The following RPS6KC1 variants were observed in gnomAD, a reference collection of about 807,000 sequenced individuals.
RPS6KC1 encodes the protein ribosomal protein S6 kinase C1.
In RPS6KC1, 54 loss-of-function variants were observed where a neutral mutation model predicts 103.8. The ratio of observed to expected loss-of-function variants is 0.52; its 90% CI spans 0.42 to 0.65. The LOEUF (loss-of-function observed/expected upper bound fraction) is 0.65, where lower values mean the gene tolerates loss of function less well. Among genes scored for constraint, RPS6KC1 ranks in the 30% least tolerant of loss-of-function variants. The pLI, the probability that RPS6KC1 is intolerant of heterozygous loss-of-function variation, is 0.00. For missense variants in RPS6KC1, 1,151 were observed against 1,253.8 expected, an observed-to-expected ratio of 0.92 and a Z score of 1.24; for synonymous variants, 439 against 438.7, an observed-to-expected ratio of 1.00 and a Z score of -0.01.
At chr1:213,178,099 C>T (rs2092001662) in intron 8 of RPS6KC1, among the ~76,000 whole-genome samples, 1 of 151,410 alleles carries the variant, frequency 6.6e-6, no homozygotes, top group Non-Finnish European at 1.5e-5. Context: ...GGGAAAGGAT[C>T]CCCTGAGCCT....
chr1:213,057,339 T>G (rs1168218782), intron 1 of RPS6KC1, among the ~76,000 whole-genome samples: 6 of 152,218 alleles, frequency 3.9e-5, no homozygotes, highest in African/African-American at 1.4e-4. Flanking sequence ...CGCTTTGCTT[T>G]TCAAGTATTG....
At chr1:213,238,210 G>C (rs1363815384) in intron 10 of RPS6KC1, among the ~76,000 whole-genome samples, 1 of 152,172 alleles carries the variant, frequency 6.6e-6, no homozygotes, top group African/African-American at 2.4e-5. Flanking sequence ...ATGTATATAT[G>C]ATGTCCAGTT....
the RPS6KC1 span, among the ~76,000 whole-genome samples, chr1:213,617,859 G>A: frequency 6.6e-6 from 1 of 152,176 alleles, no homozygotes; most frequent in Non-Finnish European, 1.5e-5. Flanking sequence ...TATTGCTCTA[G>A]CTCTATGTCT....
chr1:213,632,370 A>G, the RPS6KC1 span, among the ~76,000 whole-genome samples: 5 of 151,930 alleles, frequency 3.3e-5, no homozygotes, highest in African/African-American at 4.8e-5. Context: ...TGCATTTCCA[A>G]CTGAGCCTCC....
chr1:213,274,901 T>C (rs2095108039), downstream of RPS6KC1: 1 of 152,162 alleles, frequency 6.6e-6, no homozygotes, highest in Non-Finnish European at 1.5e-5. Context: ...CCACTATCCA[T>C]CTCCAGGACT....
the RPS6KC1 span, among the ~76,000 whole-genome samples, chr1:213,284,733 T>A: frequency 4.0e-5 from 6 of 151,640 alleles, no homozygotes; most frequent in South Asian, 4.2e-4. Context: ...TTCTGAAATT[T>A]AAAAAAAAGC....
chr1:213,574,171 G>T, the RPS6KC1 span, among the ~76,000 whole-genome samples: 3 of 152,226 alleles, frequency 2.0e-5, no homozygotes, highest in Non-Finnish European at 2.9e-5. Context: ...TTCTGGGGCA[G>T]TGCTGGCATC....
At chr1:213,609,767 T>TGCCATTACTTTCAATGGCAAAACCC in the RPS6KC1 span, among the ~76,000 whole-genome samples, 9 of 144,550 alleles carry the variant, frequency 6.2e-5, no homozygotes, top group Non-Finnish European at 1.4e-4. Flanking sequence ...GGCGGGTTTT[T>TGCCATTACTTTCAATGGCAAAACCC]GCCATTACTT....
the RPS6KC1 span, among the ~76,000 whole-genome samples, chr1:213,545,430 T>TAA: frequency 0.091 from 5,623 of 61,540 alleles, 134 homozygotes; most frequent in Non-Finnish European, 0.15. Context: ...TAAAATAAAA[T>TAA]AAAAGAGAGA....
chr1:213,254,567 A>G (rs549340609), intron 12 of RPS6KC1, among the ~76,000 whole-genome samples: 1 of 152,334 alleles, frequency 6.6e-6, no homozygotes, highest in Admixed American at 6.5e-5. Context: ...CACTTTCAGG[A>G]TCATAAAATT....
chr1:213,271,928 C>T (rs541153365), intron 14 of RPS6KC1, among the ~76,000 whole-genome samples: 2 of 152,198 alleles, frequency 1.3e-5, no homozygotes, highest in African/African-American at 4.8e-5. Context: ...TATTAAACCA[C>T]AAAATTTTTT....
the RPS6KC1 span, among the ~76,000 whole-genome samples, chr1:213,677,114 G>A: frequency 2.6e-5 from 4 of 152,156 alleles, no homozygotes; most frequent in African/African-American, 7.2e-5. Flanking sequence ...ATGACAACTC[G>A]ACATGCCCCT....
At chr1:213,403,558 G>A in the RPS6KC1 span, among the ~76,000 whole-genome samples, 3 of 152,264 alleles carry the variant, frequency 2.0e-5, no homozygotes, top group East Asian at 3.9e-4. Context: ...ACTGATTTGA[G>A]TGTGCCATCT....
At chr1:213,096,173 G>A (rs758478672) in intron 3 of RPS6KC1, among the ~76,000 whole-genome samples, 1 of 152,204 alleles carries the variant, frequency 6.6e-6, no homozygotes, top group Non-Finnish European at 1.5e-5. Context: ...TTCACCAGGA[G>A]TAGACTCCTT....
chr1:213,620,589 A>G, the RPS6KC1 span, among the ~76,000 whole-genome samples: 1 of 152,256 alleles, frequency 6.6e-6, no homozygotes, highest in Non-Finnish European at 1.5e-5. Flanking sequence ...GGAGGAGAGA[A>G]TAAAATCCCA....
chr1:213,152,019 T>C (rs1572868980), intron 6 of RPS6KC1, among the ~76,000 whole-genome samples: 1 of 106,888 alleles, frequency 9.4e-6, no homozygotes, highest in Non-Finnish European at 1.8e-5. Context: ...GAGGCGCCCC[T>C]CACCTCCCGG....
chr1:213,650,701 A>T, the RPS6KC1 span, among the ~76,000 whole-genome samples: 1 of 152,114 alleles, frequency 6.6e-6, no homozygotes, highest in African/African-American at 2.4e-5. Context: ...TGAGCCCATC[A>T]GCTCATCTCC....
chr1:213,052,816 A>G (rs1267331340), intron 1 of RPS6KC1, among the ~76,000 whole-genome samples: 1 of 152,214 alleles, frequency 6.6e-6, no homozygotes, highest in Non-Finnish European at 1.5e-5. Context: ...TGCTGGGATT[A>G]CAGGCATGAG....
At chr1:213,677,491 A>G in the RPS6KC1 span, among the ~76,000 whole-genome samples, 1 of 152,222 alleles carries the variant, frequency 6.6e-6, no homozygotes, top group African/African-American at 2.4e-5. Flanking sequence ...AAGAAGAATA[A>G]AAGTAAAATT....
Sources: allele counts gnomAD v4.1 joint callset (sites outside exome capture counted in the v4.1 genomes callset), GRCh38; gene constraint gnomAD v4.1.1; transcripts MANE v1.5; gene names NCBI Gene and HGNC (gene_info 2026-07-23, HGNC 2026-07-21).